ZNF676: variants seen among roughly 807,000 people sequenced by gnomAD.
ZNF676 encodes the protein zinc finger protein 676.
A neutral mutation model predicts 6.0 loss-of-function variants in ZNF676; 4 were observed. The observed-to-expected ratio is 0.67, with a 90% CI of 0.33 to 1.53. The LOEUF (loss-of-function observed/expected upper bound fraction) is 1.53, where lower values mean the gene tolerates loss of function less well. Ranked by LOEUF, ZNF676 falls within the 40% of genes most tolerant of loss-of-function variation. The probability of loss-of-function intolerance (pLI) is 0.06; values close to 1 mark genes in which losing one functional copy is unlikely to be tolerated. For synonymous variants in ZNF676, 198 were observed against 223.1 expected (o/e 0.89, Z 1.00); for missense variants, 644 against 679.7 (o/e 0.95, Z 0.58).
the ZNF676 span, among the ~76,000 whole-genome samples, chr19:22,227,093 T>C: frequency 1.3e-5 from 2 of 152,124 alleles, no homozygotes; most frequent in African/African-American, 4.8e-5. Flanking sequence ...TATTCTAAAA[T>C]TGACCACATA....
chr19:22,242,846 G>A, the ZNF676 span, among the ~76,000 whole-genome samples: 4 of 150,150 alleles, frequency 2.7e-5, no homozygotes, highest in South Asian at 2.1e-4. Context: ...CCCAAGTTGG[G>A]GGGGGGCTCT....
upstream of ZNF676, among the ~76,000 whole-genome samples, chr19:22,198,753 A>G (rs1243691907): frequency 6.6e-6 from 1 of 152,112 alleles, no homozygotes; most frequent in Non-Finnish European, 1.5e-5. Context: ...ACAGAGATAA[A>G]AATATGCTTT....
At chr19:22,225,189 T>C in the ZNF676 span, among the ~76,000 whole-genome samples, 1 of 152,206 alleles carries the variant, frequency 6.6e-6, no homozygotes, top group Non-Finnish European at 1.5e-5. Flanking sequence ...ATTTAACTTA[T>C]CTCAGGTAAA....
At chr19:22,215,525 A>G (rs544009662) in intron 1 of ZNF676, 19 of 1,344,870 alleles carry the variant, frequency 1.4e-5, no homozygotes, top group Non-Finnish European at 2.0e-5. Flanking sequence ...GGCAAGGAGA[A>G]CTTGTGGAGC....
chr19:22,230,068 AT>A, the ZNF676 span, among the ~76,000 whole-genome samples: 1 of 152,222 alleles, frequency 6.6e-6, no homozygotes, highest in Non-Finnish European at 1.5e-5. Context: ...TTGCAGCACT[AT>A]TCACAATAGC....
intron 1 of ZNF676, among the ~76,000 whole-genome samples, chr19:22,195,253 T>C (rs999053816): frequency 1.3e-5 from 2 of 152,030 alleles, no homozygotes; most frequent in Non-Finnish European, 2.9e-5. Context: ...TAGTACAAAC[T>C]AAAGGAAAGA....
At chr19:22,247,003 G>A in the ZNF676 span, among the ~76,000 whole-genome samples, 8 of 152,168 alleles carry the variant, frequency 5.3e-5, no homozygotes, top group Non-Finnish European at 1.2e-4. Flanking sequence ...TTGGGGTCTG[G>A]ATTAAAAGCC....
chr19:22,213,011 A>G (rs2024145982), intron 1 of ZNF676, among the ~76,000 whole-genome samples: 1 of 151,984 alleles, frequency 6.6e-6, no homozygotes, highest in Non-Finnish European at 1.5e-5. Flanking sequence ...AAAGAAGAAG[A>G]AAAAAAACTA....
At chr19:22,259,138 G>C in the ZNF676 span, among the ~76,000 whole-genome samples, 1 of 152,298 alleles carries the variant, frequency 6.6e-6, no homozygotes, top group East Asian at 1.9e-4. Flanking sequence ...AGGTAGGAGA[G>C]AACAGTAACA....
At chr19:22,182,593 A>AAAAAACAAAAAAAAAC (rs1555773386) in intron 2 of ZNF676, among the ~76,000 whole-genome samples, 1 of 90,930 alleles carries the variant, frequency 1.1e-5, no homozygotes, top group Non-Finnish European at 2.1e-5. Context: ...TCTAAAAAAA[A>AAAAAACAAAAAAAAAC]AAAAAAAAAG....
the ZNF676 span, among the ~76,000 whole-genome samples, chr19:22,240,162 C>T: frequency 1.3e-5 from 2 of 152,222 alleles, no homozygotes; most frequent in African/African-American, 2.4e-5. Context: ...GTCACATCAT[C>T]TACATGTTGG....
the ZNF676 span, among the ~76,000 whole-genome samples, chr19:22,237,076 C>T: frequency 3.3e-5 from 5 of 152,168 alleles, no homozygotes; most frequent in African/African-American, 1.2e-4. Flanking sequence ...ATTTTGAAGT[C>T]AGTGGTCAAG....
chr19:22,216,848 T>A (rs1190358598), upstream of ZNF676, among the ~76,000 whole-genome samples: 1 of 151,480 alleles, frequency 6.6e-6, no homozygotes, highest in African/African-American at 2.4e-5. Flanking sequence ...AGTAGGAGGA[T>A]TGCCTGAGCC....
the ZNF676 span, among the ~76,000 whole-genome samples, chr19:22,221,759 AAC>A: frequency 3.5e-4 from 53 of 152,180 alleles, 1 homozygote; most frequent in South Asian, 6.2e-3. Context: ...AAAAAAAAAA[AAC>A]ATCAGACTTG....
At chr19:22,233,201 G>A in the ZNF676 span, among the ~76,000 whole-genome samples, 1 of 152,118 alleles carries the variant, frequency 6.6e-6, no homozygotes, top group Non-Finnish European at 1.5e-5. Context: ...TTTTAGTAGA[G>A]GCCGGGTTTC....
At chr19:22,235,769 G>A in the ZNF676 span, among the ~76,000 whole-genome samples, 1 of 152,130 alleles carries the variant, frequency 6.6e-6, no homozygotes, top group Non-Finnish European at 1.5e-5. Flanking sequence ...CAAAGCCAGA[G>A]AGTTAATATA....
chr19:22,239,654 C>G, the ZNF676 span, among the ~76,000 whole-genome samples: 1 of 152,194 alleles, frequency 6.6e-6, no homozygotes, highest in Non-Finnish European at 1.5e-5. Context: ...TATGTAATTT[C>G]CATAAGTGTC....
intron 2 of ZNF676, among the ~76,000 whole-genome samples, chr19:22,190,886 G>A (rs2023899036): frequency 6.6e-6 from 1 of 151,600 alleles, no homozygotes; most frequent in African/African-American, 2.4e-5. Flanking sequence ...AAATGAGTCA[G>A]CCATAAAAAG....
At chr19:22,232,196 T>C in the ZNF676 span, among the ~76,000 whole-genome samples, 1 of 151,414 alleles carries the variant, frequency 6.6e-6, no homozygotes, top group Non-Finnish European at 1.5e-5. Context: ...TTAGACGGAG[T>C]CTCGCTCTGT....
Sources: allele counts gnomAD v4.1 joint callset (sites outside exome capture counted in the v4.1 genomes callset), GRCh38; gene constraint gnomAD v4.1.1; transcripts MANE v1.5; gene names NCBI Gene and HGNC (gene_info 2026-07-23, HGNC 2026-07-21).